MDGA2: variants seen among roughly 807,000 people sequenced by gnomAD.
The protein encoded by MDGA2 is MAM domain-containing glycosylphosphatidylinositol anchor protein 2.
Under a neutral mutation model 117.8 loss-of-function variants are expected in MDGA2, and 40 were observed. That is an observed-to-expected ratio of 0.34 (90% CI 0.26 to 0.44). The LOEUF (loss-of-function observed/expected upper bound fraction) is 0.44, where lower values mean the gene tolerates loss of function less well. Ranked by LOEUF, MDGA2 falls within the 20% of genes least tolerant of loss-of-function variation. MDGA2 has a pLI of 1.00. For synonymous variants in MDGA2, 452 were observed against 439.0 expected, an observed-to-expected ratio of 1.03 and a Z score of -0.37; for missense variants, 1,123 against 1,250.6, an observed-to-expected ratio of 0.90 and a Z score of 1.54.
At chr14:46,955,117 T>C (rs1885512462) in intron 9 of MDGA2, among the ~76,000 whole-genome samples, 1 of 152,090 alleles carries the variant, frequency 6.6e-6, no homozygotes, top group South Asian at 2.1e-4. Context: ...TTTGAATCTT[T>C]GATAAACTGA....
At chr14:47,309,035 T>A (rs1889550569) in intron 1 of MDGA2, among the ~76,000 whole-genome samples, 1 of 152,108 alleles carries the variant, frequency 6.6e-6, no homozygotes, top group South Asian at 2.1e-4. Flanking sequence ...ACTGCCATAC[T>A]CCCTGCACCC....
At chr14:46,977,746 A>G (rs1300287586) in intron 8 of MDGA2, among the ~76,000 whole-genome samples, 1 of 151,930 alleles carries the variant, frequency 6.6e-6, no homozygotes, top group African/African-American at 2.4e-5. Flanking sequence ...CATGGTAGTA[A>G]ACTTAGTAGG....
chr14:47,521,918 C>A (rs1894875641), intron 1 of MDGA2, among the ~76,000 whole-genome samples: 1 of 152,086 alleles, frequency 6.6e-6, no homozygotes, highest in South Asian at 2.1e-4. Flanking sequence ...GTGATCCGCC[C>A]ACCTCAGTCT....
At chr14:46,950,835 A>T (rs879834790) in intron 9 of MDGA2, among the ~76,000 whole-genome samples, 3 of 151,868 alleles carry the variant, frequency 2.0e-5, no homozygotes, top group Non-Finnish European at 4.4e-5. Flanking sequence ...ATTGCCAGAG[A>T]CTAAAATATA....
intron 2 of MDGA2, among the ~76,000 whole-genome samples, chr14:47,281,827 T>C (rs550132051): frequency 6.6e-6 from 1 of 151,590 alleles, no homozygotes; most frequent in Admixed American, 6.6e-5. Flanking sequence ...GAGACCGAGG[T>C]GAGCCGATCA....
rs142725670 is a variant in MDGA2, at chr14:47,404,067, G to A, written c.281-102517C>T. Among the ~76,000 whole-genome samples the A allele has an allele frequency of 1.1e-3, 174 of 152,046 alleles. 1 individual carries two copies. Among genetic ancestry groups the A allele is most frequent in the African/African-American group, 3.6e-3 (151 of 41,472 alleles). ...TCATTTCTGAAGGCTCCTGTGTCAC[G>A]TAAAATTTATATTAAATAAATTTGT... On this transcript the variant is annotated intron_variant, in intron 1 of 16. Coordinates refer to ENST00000399232, the MANE Select transcript of MDGA2 (RefSeq NM_001113498.3).
intron 1 of MDGA2, among the ~76,000 whole-genome samples, chr14:47,654,325 C>T (rs899867951): frequency 1.3e-5 from 2 of 152,200 alleles, no homozygotes; most frequent in South Asian, 2.1e-4. Context: ...TAGGTGCCTA[C>T]AGAAGTCTCC....
intron 1 of MDGA2, among the ~76,000 whole-genome samples, chr14:47,671,903 G>C (rs971397960): frequency 1.3e-5 from 2 of 152,006 alleles, no homozygotes; most frequent in South Asian, 4.2e-4. Flanking sequence ...ACTACTTTAG[G>C]TTAAGAAAGT....
At chr14:46,873,657 T>A in intron 13 of MDGA2, 66 bp from the exon 14 acceptor site, 1 of 1,406,526 alleles carries the variant, frequency 7.1e-7, no homozygotes, top group Non-Finnish European at 9.7e-7. Context: ...TTCAAATCAC[T>A]GAGAAGTCTT....
intron 1 of MDGA2, among the ~76,000 whole-genome samples, chr14:47,620,907 C>T (rs1897038162): frequency 6.6e-6 from 1 of 152,076 alleles, no homozygotes; most frequent in African/African-American, 2.4e-5. Flanking sequence ...GCAAAATTGC[C>T]CACTATTTGT....
chr14:47,410,156 A>G (rs938529644), intron 1 of MDGA2, among the ~76,000 whole-genome samples: 20 of 146,146 alleles, frequency 1.4e-4, no homozygotes, highest in African/African-American at 5.1e-4. Flanking sequence ...TGGTTAGAAG[A>G]CATGCCTATA....
chr14:46,994,823 T>A (rs1036648154), intron 8 of MDGA2, among the ~76,000 whole-genome samples: 29 of 152,142 alleles, frequency 1.9e-4, no homozygotes, highest in African/African-American at 6.8e-4. Flanking sequence ...GGTAATAACA[T>A]AGGGTAGTGG....
At chr14:47,000,411 A>G (rs369141833) in intron 8 of MDGA2, among the ~76,000 whole-genome samples, 1 of 102,942 alleles carries the variant, frequency 9.7e-6, no homozygotes, top group East Asian at 3.4e-4. Context: ...ATATATATTT[A>G]TATATATACA....
Position 47,578,714 on chromosome 14 carries a change from T to C in MDGA2, c.280+95803A>G, listed in dbSNP as rs573095371. On this transcript the variant is annotated intron_variant, in intron 1 of 16. Transcript: ENST00000399232. ...AAAGTACTGACTTATTAAGTTCTTT[T>C]GGATTCTTTAAATGTTGTTTTTAGT... Among the ~76,000 whole-genome samples the C allele has an allele frequency of 4.6e-5, 7 of 152,250 alleles. No individual in the cohort carries two copies. In the East Asian group the frequency reaches 1.3e-3, roughly 29 times the overall value.
chr14:47,650,725 ATTG>A (rs1897624945), intron 1 of MDGA2, among the ~76,000 whole-genome samples: 1 of 152,236 alleles, frequency 6.6e-6, no homozygotes, highest in Non-Finnish European at 1.5e-5. Context: ...AACACAAATT[ATTG>A]TAAAATAAAA....
chr14:47,220,214 C>T (rs1260537676), intron 2 of MDGA2, among the ~76,000 whole-genome samples: 2 of 152,114 alleles, frequency 1.3e-5, no homozygotes, highest in Non-Finnish European at 2.9e-5. Flanking sequence ...TACCAAGTCA[C>T]ATGCCTAACT....
At chr14:47,343,009 G>A (rs1194169596) in intron 1 of MDGA2, 1 of 1,208,186 alleles carries the variant, frequency 8.3e-7, no homozygotes, top group African/African-American at 1.6e-5. Flanking sequence ...CCTCAGGGGA[G>A]TCAGCCACAG....
chr14:47,363,297 G>A (rs887132670), intron 1 of MDGA2, among the ~76,000 whole-genome samples: 28 of 151,572 alleles, frequency 1.8e-4, no homozygotes, highest in Non-Finnish European at 3.1e-4. Flanking sequence ...TTGCTCTGTC[G>A]TCCAGGCTGA....
chr14:47,594,236 A>G (rs1896495084), intron 1 of MDGA2, among the ~76,000 whole-genome samples: 1 of 152,202 alleles, frequency 6.6e-6, no homozygotes, highest in Non-Finnish European at 1.5e-5. Flanking sequence ...GTAGGTGGTC[A>G]TACTGTTAAA....
Sources: gnomAD v4.1 joint callset for allele counts (sites outside exome capture counted in the v4.1 genomes callset) on GRCh38, gnomAD v4.1.1 for gene constraint, MANE v1.5 for transcripts, NCBI Gene and HGNC (gene_info 2026-07-23, HGNC 2026-07-21) for gene names.